TLN2: variants seen among roughly 807,000 people sequenced by gnomAD.
TLN2 encodes talin 2, also known as talin-2.
In TLN2, 118 loss-of-function variants were observed where a neutral mutation model predicts 294.7. That is an observed-to-expected ratio of 0.40 (90% CI 0.34 to 0.47). The LOEUF (loss-of-function observed/expected upper bound fraction) is 0.47. TLN2 is among the 20% of genes least tolerant of loss of function. The pLI is 0.84. For synonymous variants in TLN2, 1,431 were observed against 1,304.5 expected (o/e 1.10, Z -2.09); for missense variants, 3,083 against 3,282.2 (o/e 0.94, Z 1.48).
At chr15:62,597,595 A>G (rs916113686) in intron 2 of TLN2, among the ~76,000 whole-genome samples, 3 of 152,180 alleles carry the variant, frequency 2.0e-5, no homozygotes, top group Admixed American at 6.5e-5. Context: ...CTCTAGGTAC[A>G]CTGCACAGGG....
At chr15:62,734,786 T>C (rs899639821) in intron 28 of TLN2, among the ~76,000 whole-genome samples, 4 of 152,238 alleles carry the variant, frequency 2.6e-5, no homozygotes, top group African/African-American at 9.6e-5. Flanking sequence ...TATTTACATA[T>C]TAGCAAGTCT....
intron 41 of TLN2, among the ~76,000 whole-genome samples, chr15:62,769,401 C>T (rs556348678): frequency 2.5e-4 from 38 of 152,234 alleles, no homozygotes; most frequent in African/African-American, 7.2e-4. Flanking sequence ...GAAGTAGGGA[C>T]GAAAATTCAG....
chr15:62,627,180 C>G (rs972553301), intron 3 of TLN2, among the ~76,000 whole-genome samples: 1 of 152,124 alleles, frequency 6.6e-6, no homozygotes, highest in South Asian at 2.1e-4. Context: ...AGTAGTTAGG[C>G]CATTTTGTTT....
chr15:62,711,376 A>C (rs774410663), intron 21 of TLN2, among the ~76,000 whole-genome samples: 1 of 152,218 alleles, frequency 6.6e-6, no homozygotes, highest in South Asian at 2.1e-4. Flanking sequence ...GGCCAAGGCA[A>C]GTCATAGCAT....
intron 1 of TLN2, among the ~76,000 whole-genome samples, chr15:62,560,763 T>C (rs1460542585): frequency 6.6e-6 from 1 of 152,260 alleles, no homozygotes; most frequent in Admixed American, 6.5e-5. Context: ...CAGGGTGGAC[T>C]CTGCCTGAAT....
At position 62,740,743 on chromosome 15, in the gene TLN2, G is replaced by A. The variant is rs147516120; in HGVS notation, c.3999G>A (p.Ala1333=). 40 of 1,614,060 alleles carry A rather than the reference G, an allele frequency of 2.5e-5. No homozygotes were observed. Among genetic ancestry groups the A allele is most frequent in the Admixed American group, 3.3e-5 (2 of 60,002 alleles). Residue 1333 remains alanine, a synonymous_variant, in exon 32 of 59, where the codon GCG becomes GCA. Transcript: ENST00000636159. ...SLSVDPGAPN[A]KNLLAAAARA... ...CTGTAGATCCAGGAGCTCCCAATGC[G>A]AAAAATCTCCTGGCTGCAGCTGCAA... is the stretch of plus-strand genomic sequence containing the variant.
chr15:62,783,560 T>C (rs896999134), intron 44 of TLN2, among the ~76,000 whole-genome samples: 1 of 152,240 alleles, frequency 6.6e-6, no homozygotes, highest in Non-Finnish European at 1.5e-5. Context: ...GCGAGGGCTC[T>C]GGCCTTTTGT....
chr15:62,523,738 G>T (rs1311845783), intron 1 of TLN2, among the ~76,000 whole-genome samples: 2 of 152,082 alleles, frequency 1.3e-5, no homozygotes, highest in Non-Finnish European at 2.9e-5. Flanking sequence ...TTTAAAACGT[G>T]GTACATTTAT....
intron 1 of TLN2, among the ~76,000 whole-genome samples, chr15:62,495,548 CT>C (rs1398603070): frequency 6.6e-6 from 1 of 152,198 alleles, no homozygotes; most frequent in African/African-American, 2.4e-5. Context: ...GAAAGAATGA[CT>C]TTTAATGACA....
In TLN2 at chr15:62,701,092, G is replaced by A; in HGVS notation, c.1588-14G>A. The stretch of plus-strand genomic sequence containing the variant: ...TGTGCTGTGATTGTGTTGTGCCGTT[G>A]TCTGGCTTTGCAGGCATCTAGGGTA... On this transcript the variant is annotated splice_polypyrimidine_tract_variant and intron_variant, in intron 16 of 58. Coordinates refer to ENST00000636159, the MANE Select transcript of TLN2 (RefSeq NM_015059.3). 8 of 1,611,214 alleles carry A rather than the reference G, an allele frequency of 5.0e-6. No individual in the cohort carries two copies. The highest frequency in any genetic ancestry group is 6.8e-6 in the Non-Finnish European group (8 of 1,178,252).
chr15:62,480,830 C>T (rs2038048586), intron 1 of TLN2, among the ~76,000 whole-genome samples: 1 of 152,146 alleles, frequency 6.6e-6, no homozygotes. Context: ...AGCCCTTTCC[C>T]TTTCTGATAC....
At chr15:62,518,427 G>C (rs940446673) in intron 1 of TLN2, among the ~76,000 whole-genome samples, 1 of 152,090 alleles carries the variant, frequency 6.6e-6, no homozygotes, top group African/African-American at 2.4e-5. Flanking sequence ...AATAGACATG[G>C]GTTCAGATTT....
At chr15:62,772,918 C>T (rs925602539) in intron 42 of TLN2, among the ~76,000 whole-genome samples, 12 of 152,092 alleles carry the variant, frequency 7.9e-5, no homozygotes, top group African/African-American at 2.9e-4. Context: ...TCCTCCTCAG[C>T]CTCCCAAAGT....
chr15:62,437,355 A>G (rs1230320409), intron 1 of TLN2, among the ~76,000 whole-genome samples: 1 of 151,760 alleles, frequency 6.6e-6, no homozygotes, highest in African/African-American at 2.4e-5. Flanking sequence ...GGCTGCTGAG[A>G]GAGATCATGA....
chr15:62,662,822 G>GTTGTTT (rs1555461144), intron 9 of TLN2, among the ~76,000 whole-genome samples: 1 of 108,240 alleles, frequency 9.2e-6, no homozygotes, highest in Non-Finnish European at 1.8e-5. Context: ...GATTGAGAGA[G>GTTGTTT]TTTTTTTTTT....
chr15:62,795,301 G>C (rs546146249), intron 46 of TLN2, among the ~76,000 whole-genome samples: 5 of 152,174 alleles, frequency 3.3e-5, no homozygotes, highest in Non-Finnish European at 7.3e-5. Context: ...GTCAGGAGCT[G>C]GCGGGTGTGG....
intron 1 of TLN2, among the ~76,000 whole-genome samples, chr15:62,560,121 C>G (rs995181554): frequency 6.6e-6 from 1 of 152,216 alleles, no homozygotes; most frequent in Non-Finnish European, 1.5e-5. Context: ...TAGGGCAGGT[C>G]CCTGGGGACC....
chr15:62,833,699 C>G (rs2069129232), intron 55 of TLN2, 70 bp downstream of exon 55: 1 of 1,569,010 alleles, frequency 6.4e-7, no homozygotes, highest in African/African-American at 1.4e-5. Flanking sequence ...AGGAAAAGAG[C>G]TACAAGCTTT....
At chr15:62,666,130 T>C (rs2054610185) in intron 9 of TLN2, among the ~76,000 whole-genome samples, 1 of 152,204 alleles carries the variant, frequency 6.6e-6, no homozygotes, top group East Asian at 1.9e-4. Flanking sequence ...GGCAGTGGCG[T>C]GTCCTTATAT....
Sources: allele counts gnomAD v4.1 joint callset (sites outside exome capture counted in the v4.1 genomes callset), GRCh38; gene constraint gnomAD v4.1.1; transcripts MANE v1.5; gene names NCBI Gene and HGNC (gene_info 2026-07-23, HGNC 2026-07-21).